Variants in RHOBTB2 observed in about 807,000 individuals in gnomAD.
RHOBTB2 encodes Rho related BTB domain containing 2.
A neutral mutation model predicts 66.5 loss-of-function variants in RHOBTB2; 39 were observed. The ratio of observed to expected loss-of-function variants is 0.59; its 90% confidence interval spans 0.45 to 0.77. The LOEUF is 0.77. Ranked by LOEUF, RHOBTB2 falls within the 30% of genes least tolerant of loss-of-function variation. The pLI is 0.00. For synonymous variants in RHOBTB2, 390 were observed against 395.0 expected (o/e 0.99, Z 0.15); for missense variants, 755 against 999.1 (o/e 0.76, Z 3.29).
chr8:22,951,127 A>G, the RHOBTB2 span, among the ~76,000 whole-genome samples: 2 of 151,910 alleles, frequency 1.3e-5, no homozygotes, highest in East Asian at 3.8e-4. Context: ...AACATAGCCT[A>G]TCCTATCATG....
chr8:22,962,392 T>A, the RHOBTB2 span, among the ~76,000 whole-genome samples: 1 of 152,298 alleles, frequency 6.6e-6, no homozygotes, highest in Non-Finnish European at 1.5e-5. Context: ...AAATAACTCT[T>A]ACTTTCTCTT....
At chr8:22,982,601 G>GA (rs781478172), upstream of RHOBTB2, among the ~76,000 whole-genome samples, 22 of 152,296 alleles carry the variant, frequency 1.4e-4, no homozygotes, top group South Asian at 6.2e-4. Context: ...AGGATCACTT[G>GA]AGCCCATGAG....
chr8:22,951,107 T>A, the RHOBTB2 span, among the ~76,000 whole-genome samples: 531 of 152,278 alleles, frequency 3.5e-3, 3 homozygotes, highest in African/African-American at 0.012. Flanking sequence ...TTAACTGATA[T>A]CAGTACTGTA....
In RHOBTB2 at chr8:23,004,796, A is replaced by C. The variant is rs1179511873; in HGVS notation, c.192+170A>C. 16 of 649,034 alleles carry C rather than the reference A, an allele frequency of 2.5e-5. No individual in the cohort carries two copies. The highest frequency in any genetic ancestry group is 4.0e-5 in the Non-Finnish European group (15 of 376,946). The allele number at this position is 649,034 out of a possible 1,614,324, so 40.2% of individuals were successfully genotyped here. A position where few individuals can be genotyped will look rare whatever the true frequency, so the allele number is the denominator to read the frequency against. ...GAGCCCCTGGAGAGAGGTTTAAGCCAAGTCTGCCCCAGGGAAGTGTCTCTG... is the reference window on the plus strand; with the variant it reads ...GAGCCCCTGGAGAGAGGTTTAAGCCCAGTCTGCCCCAGGGAAGTGTCTCTG... On this transcript the variant is annotated intron_variant, in intron 2 of 9. Transcript: ENST00000251822. This position sits in a 1 kb window ranked among gnomAD's most constrained non-coding sequence, Gnocchi z 6.4.
chr8:22,990,705 G>A lies in RHOBTB2; in HGVS notation c.-136-1363G>A, dbSNP rs561933882. Among the ~76,000 whole-genome samples, 10 of 152,292 alleles carry A rather than the reference G, an allele frequency of 6.6e-5. No homozygotes were observed. The South Asian group carries it at 1.2e-3, about 19-fold the overall frequency. On this transcript the variant is annotated intron_variant, in intron 1 of 11. Transcript: ENST00000519685. ...CCACAGACAACCAGAAGGTTGAGGCGTGTGTTTAGTGGCTTTTGAGGCACC... is the reference window on the plus strand; with the variant it reads ...CCACAGACAACCAGAAGGTTGAGGCATGTGTTTAGTGGCTTTTGAGGCACC...
rs140746904 is a variant in RHOBTB2 at position 23,011,822 on chromosome 8, G to A, written c.1771+1134G>A. ...CAGAGAGCACATCCTCACATACTGA[G>A]TTGAGATTCAGGGAAGAACCCAGTG... On this transcript the variant is annotated intron_variant, in intron 7 of 9. Transcript: ENST00000251822. Among the ~76,000 whole-genome samples the A allele has an allele frequency of 2.6e-5, 4 of 152,332 alleles. No homozygotes were observed. In the East Asian group the frequency reaches 7.7e-4, roughly 29 times the overall value.
At chr8:22,977,406 C>A in the RHOBTB2 span, among the ~76,000 whole-genome samples, 1 of 151,834 alleles carries the variant, frequency 6.6e-6, no homozygotes, top group East Asian at 1.9e-4. Flanking sequence ...ATGGCAAAAC[C>A]CCGTCTCTAC....
At chr8:22,954,837 A>C in the RHOBTB2 span, among the ~76,000 whole-genome samples, 1 of 152,246 alleles carries the variant, frequency 6.6e-6, no homozygotes, top group Non-Finnish European at 1.5e-5. Context: ...TCTTTCGTCA[A>C]GATGCCCCAG....
chr8:22,963,931 G>A, the RHOBTB2 span, among the ~76,000 whole-genome samples: 2 of 151,802 alleles, frequency 1.3e-5, no homozygotes, highest in African/African-American at 2.4e-5. Flanking sequence ...ACAGGCATGC[G>A]CCACCATGCC....
chr8:22,987,021 G>A (rs1048113946), upstream of RHOBTB2, among the ~76,000 whole-genome samples: 16 of 152,238 alleles, frequency 1.1e-4, no homozygotes, highest in Non-Finnish European at 2.4e-4. Flanking sequence ...ATGGCCTCTA[G>A]CTCAGGTAGC....
the RHOBTB2 span, among the ~76,000 whole-genome samples, chr8:22,954,495 TTAA>T: frequency 6.6e-6 from 1 of 152,090 alleles, no homozygotes; most frequent in Non-Finnish European, 1.5e-5. Context: ...TTGCAGACAC[TTAA>T]TAATCTTTTT....
rs1811013727 is a variant in RHOBTB2, at chr8:23,007,705, C to G, written c.1460C>G (p.Thr487Ser). The change falls in exon 5 of 10, where the codon ACC becomes AGC. Residue 487 changes from threonine to serine, a missense_variant. Thr to Ser is a moderately conservative substitution (Grantham distance 58). Coordinates refer to ENST00000251822, the MANE Select transcript of RHOBTB2 (RefSeq NM_015178.3). The part of the protein sequence containing the change: ...EITKAFHVRR[T>S]NRVKECLAKG... The stretch of plus-strand genomic sequence containing the variant: ...ACCAAGGCCTTCCACGTCCGCCGGA[C>G]CAACCGGGTTAAGGAGTGCTTGGCA... The G allele has an allele frequency of 6.2e-7, 1 of 1,614,056 alleles. No individual in the cohort carries two copies. Among genetic ancestry groups the G allele is most frequent in the African/African-American group, 1.3e-5 (1 of 74,948 alleles).
Position 23,006,813 on chromosome 8 carries a change from G to A in RHOBTB2, c.568G>A (p.Val190Met), listed in dbSNP as rs1195774304. The A allele has an allele frequency of 1.2e-5, 19 of 1,614,116 alleles. No homozygotes were observed. The highest frequency in any genetic ancestry group is 1.4e-5 in the Non-Finnish European group (17 of 1,180,026). ...ELGIPYYETS[V>M]VAQFGIKDVF... is the part of the protein sequence containing the mutation. ...GGGCATCCCCTACTATGAGACCAGC[G>A]TGGTGGCCCAGTTCGGCATCAAGGA... The change falls in exon 5 of 10, where the codon GTG (valine) becomes ATG (methionine). Residue 190 changes from valine to methionine, a missense_variant. Coordinates refer to ENST00000251822, the MANE Select transcript of RHOBTB2 (RefSeq NM_015178.3). The surrounding 1 kb of genome is among the most constrained non-coding windows in gnomAD (Gnocchi z 6.1).
Position 22,999,645 on chromosome 8 carries a change from T to G in RHOBTB2, c.-471T>G, listed in dbSNP as rs1432028775. The G allele has an allele frequency of 8.0e-7, 1 of 1,247,930 alleles. No homozygotes were observed. Among genetic ancestry groups the G allele is most frequent in the Non-Finnish European group, 1.0e-6 (1 of 972,956 alleles). 77.3% of individuals were successfully genotyped at this position (1,247,930 alleles called of 1,614,324 possible). A position where few individuals can be genotyped will look rare whatever the true frequency, so the allele number is the denominator to read the frequency against. On this transcript the variant is annotated 5_prime_UTR_variant, in exon 1 of 10. Coordinates refer to ENST00000251822, the MANE Select transcript of RHOBTB2 (RefSeq NM_015178.3). Reference sequence around the variant, plus strand: ...TTCTTTTTTTTTTCCCTATCCTTTTTTTGTGAATGAAAAAAGGAGGTCGCG... The same window carrying G: ...TTCTTTTTTTTTTCCCTATCCTTTTGTTGTGAATGAAAAAAGGAGGTCGCG...
upstream of RHOBTB2, chr8:22,984,891 C>T (rs1810263569): frequency 6.6e-6 from 1 of 151,038 alleles, no homozygotes; most frequent in Admixed American, 6.6e-5. Context: ...CACTGCACTC[C>T]AACCTGGGCA....
chr8:22,982,571 G>A (rs1300511633), upstream of RHOBTB2, among the ~76,000 whole-genome samples: 3 of 152,312 alleles, frequency 2.0e-5, no homozygotes, highest in East Asian at 5.8e-4. Flanking sequence ...GCAGTGAGCT[G>A]AGATGACACC....
At chr8:22,995,951 A>T, upstream of RHOBTB2, 1 of 1,447,654 alleles carries the variant, frequency 6.9e-7, no homozygotes, top group South Asian at 1.2e-5. Flanking sequence ...AGGTTGGAGG[A>T]TGGACTGAGC....
the RHOBTB2 span, among the ~76,000 whole-genome samples, chr8:22,977,571 C>CAAAA: frequency 7.3e-6 from 1 of 136,578 alleles, no homozygotes; most frequent in Non-Finnish European, 1.5e-5. Context: ...GACCCTTTCT[C>CAAAA]AAAAAAAAAA....
Position 23,006,261 on chromosome 8 carries a change from C to A in RHOBTB2, c.482+116C>A. 1 of 902,866 alleles carries A rather than the reference C, an allele frequency of 1.1e-6. No homozygotes were observed. The highest frequency in any genetic ancestry group is 1.7e-6 in the Non-Finnish European group (1 of 587,344). The allele number at this position is 902,866 out of a possible 1,614,324, so 55.9% of individuals were successfully genotyped here. A position where few individuals can be genotyped will look rare whatever the true frequency, so the allele number is the denominator to read the frequency against. On this transcript the variant is annotated intron_variant, in intron 4 of 9. Transcript: ENST00000251822. This position sits in a 1 kb window ranked among gnomAD's most constrained non-coding sequence, Gnocchi z 6.1. Reference sequence around the variant, plus strand: ...TATCTCTCCCTCCATTTGGAGCAAGCTTGCATTGGGAGTCAACAAGCATGC... The same window carrying A: ...TATCTCTCCCTCCATTTGGAGCAAGATTGCATTGGGAGTCAACAAGCATGC...
Sources: allele counts gnomAD v4.1 joint callset (sites outside exome capture counted in the v4.1 genomes callset), GRCh38; gene constraint gnomAD v4.1.1; non-coding constraint Gnocchi (gnomAD v3.1); transcripts MANE v1.5; gene names NCBI Gene and HGNC (gene_info 2026-07-23, HGNC 2026-07-21).